The following CADM2 variants were observed in gnomAD, a reference collection of about 807,000 sequenced individuals.
CADM2 encodes cell adhesion molecule 2.
Under a neutral mutation model 49.8 loss-of-function variants are expected in CADM2, and 12 were observed. The ratio of observed to expected loss-of-function variants is 0.24; its 90% confidence interval spans 0.15 to 0.39. The LOEUF (loss-of-function observed/expected upper bound fraction) is 0.39. Among genes scored for constraint, CADM2 ranks in the 10% least tolerant of loss-of-function variants. The probability of loss-of-function intolerance (pLI) is 1.00; values close to 1 mark genes in which losing one functional copy is unlikely to be tolerated. For missense variants in CADM2, 378 were observed against 492.3 expected, an observed-to-expected ratio of 0.77 and a Z score of 2.20; for synonymous variants, 214 against 175.4, an observed-to-expected ratio of 1.22 and a Z score of -1.74.
chr3:85,359,666 A>AT (rs869151718), intron 1 of CADM2, among the ~76,000 whole-genome samples: 48 of 26,530 alleles, frequency 1.8e-3, no homozygotes, highest in African/African-American at 3.5e-3. Flanking sequence ...ATATATATAT[A>AT]TTTTTTTTTT....
chr3:85,638,246 A>G (rs2064580004), intron 1 of CADM2, among the ~76,000 whole-genome samples: 1 of 152,196 alleles, frequency 6.6e-6, no homozygotes. Context: ...TCTATATGAA[A>G]TGCATGAATT....
intron 1 of CADM2, among the ~76,000 whole-genome samples, chr3:85,490,101 C>T (rs992051385): frequency 2.0e-5 from 3 of 152,150 alleles, no homozygotes; most frequent in South Asian, 4.2e-4. Flanking sequence ...CATTACCTTC[C>T]TAGAGTCCCT....
intron 1 of CADM2, among the ~76,000 whole-genome samples, chr3:85,683,799 C>T (rs2066109414): frequency 6.6e-6 from 1 of 152,104 alleles, no homozygotes; most frequent in South Asian, 2.1e-4. Flanking sequence ...TAGCAGAATA[C>T]AGGTGGTCTA....
At position 85,602,921 on chromosome 3, in the gene CADM2, C is replaced by T. The variant is rs552229236; in HGVS notation, c.62-123601C>T. The stretch of plus-strand genomic sequence containing the variant: ...CCTTAGTTTCCAGTATCACTTTTGC[C>T]GTATTTGTTCATTTTTATTTTTGCT... On this transcript the variant is annotated intron_variant, in intron 1 of 9. Transcript: ENST00000383699. Among the ~76,000 whole-genome samples, 24 of 151,688 alleles carry T rather than the reference C, an allele frequency of 1.6e-4. 1 individual carries two copies. In the South Asian group the frequency reaches 3.1e-3, roughly 20 times the overall value.
chr3:86,051,639 T>C (rs959122321), intron 8 of CADM2, among the ~76,000 whole-genome samples: 2 of 152,198 alleles, frequency 1.3e-5, no homozygotes, highest in Non-Finnish European at 2.9e-5. Context: ...AGCATGATCC[T>C]GGCATCTGCT....
chr3:85,775,699 C>G (rs2070326800), intron 2 of CADM2, among the ~76,000 whole-genome samples: 1 of 151,800 alleles, frequency 6.6e-6, no homozygotes, highest in South Asian at 2.1e-4. Context: ...TACAAGATTA[C>G]TAGAGGTTGA....
At chr3:85,845,029 C>T (rs1384460641) in intron 3 of CADM2, among the ~76,000 whole-genome samples, 1 of 151,200 alleles carries the variant, frequency 6.6e-6, no homozygotes, top group Non-Finnish European at 1.5e-5. Context: ...TTGGTATGCA[C>T]ATGTAGTCCT....
intron 8 of CADM2, among the ~76,000 whole-genome samples, chr3:86,043,655 A>G (rs1296016971): frequency 1.3e-5 from 2 of 152,226 alleles, no homozygotes; most frequent in African/African-American, 2.4e-5. Context: ...TTGTAGATTC[A>G]ATGCCATCTC....
chr3:86,040,074 C>T (rs368351796), intron 8 of CADM2, among the ~76,000 whole-genome samples: 19 of 152,074 alleles, frequency 1.2e-4, no homozygotes, highest in African/African-American at 4.6e-4. Context: ...ACACCGAAAC[C>T]CCATCTGTAT....
At chr3:86,020,101 A>C (rs1326623857) in intron 8 of CADM2, among the ~76,000 whole-genome samples, 2 of 152,172 alleles carry the variant, frequency 1.3e-5, no homozygotes, top group Non-Finnish European at 2.9e-5. Context: ...AAGACTAATA[A>C]AGAAAAAAAG....
chr3:85,406,552 A>G (rs1460209539), intron 1 of CADM2, among the ~76,000 whole-genome samples: 1 of 152,158 alleles, frequency 6.6e-6, no homozygotes, highest in Non-Finnish European at 1.5e-5. Flanking sequence ...CCTCAGAACC[A>G]TACACTGTTT....
At chr3:86,044,347 A>T (rs1407667270) in intron 8 of CADM2, among the ~76,000 whole-genome samples, 1 of 152,178 alleles carries the variant, frequency 6.6e-6, no homozygotes, top group African/African-American at 2.4e-5. Context: ...TCTACAATGA[A>T]CTCAAACAAA....
chr3:85,002,717 C>T (rs112698788), intron 1 of CADM2, among the ~76,000 whole-genome samples: 3 of 152,138 alleles, frequency 2.0e-5, no homozygotes, highest in African/African-American at 7.2e-5. Context: ...CACAGACAAA[C>T]ATGTAGAGTC....
At chr3:84,982,737 A>ATATATATAAG (rs1553663805) in intron 1 of CADM2, among the ~76,000 whole-genome samples, 2 of 115,378 alleles carry the variant, frequency 1.7e-5, no homozygotes, top group African/African-American at 7.0e-5. Context: ...ATATATATAC[A>ATATATATAAG]TTTTTTGTTT....
chr3:85,193,366 C>CT (rs1167627452), intron 1 of CADM2, among the ~76,000 whole-genome samples: 3 of 85,440 alleles, frequency 3.5e-5, no homozygotes, highest in South Asian at 2.9e-4. Context: ...TCTAAAAAAT[C>CT]TTAAAAAATT....
rs184512689 is a variant in CADM2, at chr3:85,245,938, G to A, written c.61+286270G>A. ...ACCAAAATTCACCTAGCTAGTCAGT[G>A]GTAACTAAAGAACTAAAAACTATAT... On this transcript the variant is annotated intron_variant, in intron 1 of 9. Coordinates refer to ENST00000383699, the MANE Select transcript of CADM2 (RefSeq NM_001167675.2). Among the ~76,000 whole-genome samples the A allele has an allele frequency of 4.6e-5, 7 of 152,134 alleles. No homozygotes were observed. The East Asian group carries it at 1.4e-3, about 29-fold the overall frequency.
At chr3:85,745,164 T>C (rs1178961324) in intron 2 of CADM2, among the ~76,000 whole-genome samples, 1 of 152,188 alleles carries the variant, frequency 6.6e-6, no homozygotes, top group African/African-American at 2.4e-5. Context: ...AAGCAATTTC[T>C]ACCTCAGTGG....
chr3:85,783,196 A>G (rs2070762813), intron 2 of CADM2, among the ~76,000 whole-genome samples: 1 of 152,144 alleles, frequency 6.6e-6, no homozygotes, highest in Non-Finnish European at 1.5e-5. Flanking sequence ...CAGCATAACC[A>G]AGGATTAGAT....
intron 1 of CADM2, among the ~76,000 whole-genome samples, chr3:85,208,220 G>T (rs2041697569): frequency 6.6e-6 from 1 of 152,066 alleles, no homozygotes; most frequent in African/African-American, 2.4e-5. Context: ...TTAATTCGCA[G>T]ACCTCACAAA....
Sources: allele counts gnomAD v4.1 joint callset (sites outside exome capture counted in the v4.1 genomes callset), GRCh38; gene constraint gnomAD v4.1.1; transcripts MANE v1.5; gene names NCBI Gene and HGNC (gene_info 2026-07-23, HGNC 2026-07-21).